INTS12: variants seen among roughly 807,000 people sequenced by gnomAD.
INTS12 encodes the protein PHD finger protein 22.
A neutral mutation model predicts 41.6 loss-of-function variants in INTS12; 13 were observed. The observed-to-expected ratio is 0.31, with a 90% CI of 0.20 to 0.50. INTS12 has a LOEUF of 0.50. Among genes scored for constraint, INTS12 ranks in the 20% least tolerant of loss-of-function variants. INTS12 has a pLI of 0.98. For synonymous variants in INTS12, 199 were observed against 191.4 expected, an observed-to-expected ratio of 1.04 and a Z score of -0.33; for missense variants, 432 against 541.6, an observed-to-expected ratio of 0.80 and a Z score of 2.01.
At chr4:105,689,353 C>A (rs1308179068) in intron 6 of INTS12, among the ~76,000 whole-genome samples, 6 of 152,132 alleles carry the variant, frequency 3.9e-5, no homozygotes, top group Admixed American at 3.9e-4. Flanking sequence ...ATAACCAATG[C>A]ACATATGAGA....
intron 2 of INTS12, among the ~76,000 whole-genome samples, chr4:105,700,637 T>A (rs372893258): frequency 6.6e-6 from 1 of 151,350 alleles, no homozygotes; most frequent in East Asian, 1.9e-4. Flanking sequence ...ACATTTAGAT[T>A]GTGGTATCTC....
At chr4:105,705,712 T>C (rs527276270) in intron 1 of INTS12, 23 of 152,346 alleles carry the variant, frequency 1.5e-4, no homozygotes, top group African/African-American at 5.1e-4. Flanking sequence ...GTAGAAAGTG[T>C]GCCACCCCCA....
intron 2 of INTS12, 83 bp from the exon 3 acceptor site, chr4:105,700,097 G>A (rs1732009769): frequency 1.1e-6 from 1 of 924,770 alleles, no homozygotes; most frequent in Non-Finnish European, 1.5e-6. Flanking sequence ...TTTTTAATTT[G>A]TAATAGATAA....
chr4:105,692,217 C>T lies in INTS12; in HGVS notation c.498-82G>A, dbSNP rs561110528. 75 of 1,348,138 alleles carry T rather than the reference C, an allele frequency of 5.6e-5. 1 individual carries two copies. The South Asian group carries it at 5.8e-4, about 10-fold the overall frequency. The allele number at this position is 1,348,138 out of a possible 1,614,324, so 83.5% of individuals were successfully genotyped here. A position where few individuals can be genotyped will look rare whatever the true frequency, so the allele number is the denominator to read the frequency against. Reference sequence around the variant, plus strand: ...TTATTTCAGGGGCCAGGTGTGCTGGCTCATGCCTGTAATCCCAGCACTTTG... The same window carrying T: ...TTATTTCAGGGGCCAGGTGTGCTGGTTCATGCCTGTAATCCCAGCACTTTG... On this transcript the variant is annotated intron_variant, in intron 5 of 7. Coordinates refer to ENST00000340139, the MANE Select transcript of INTS12 (RefSeq NM_020395.4).
rs1732396935 is a variant in INTS12 at position 105,708,656 on chromosome 4, C to T, written c.-190G>A. 3 of 960,168 alleles carry T rather than the reference C, an allele frequency of 3.1e-6. No homozygotes were observed. The highest frequency in any genetic ancestry group is 3.7e-6 in the Non-Finnish European group (3 of 806,990). 59.5% of individuals were successfully genotyped at this position (960,168 alleles called of 1,614,324 possible). On this transcript the variant is annotated 5_prime_UTR_variant, in exon 1 of 8. Transcript: ENST00000340139. ...AACTCACCGTTCCGCCCCGCCCTGC[C>T]GATCCGTCTGTTCCCGGTGGTCCCT...
At chr4:105,691,869 ATTAT>A in intron 6 of INTS12, 103 bp downstream of exon 6, 5 of 787,736 alleles carry the variant, frequency 6.3e-6, no homozygotes, top group Non-Finnish European at 9.5e-6. Context: ...ATCAGCTTAT[ATTAT>A]TTATTTTTTC....
intron 1 of INTS12, among the ~76,000 whole-genome samples, chr4:105,707,403 A>C (rs1484387818): frequency 6.6e-6 from 1 of 150,874 alleles, no homozygotes; most frequent in Admixed American, 6.6e-5. Flanking sequence ...CTTTTTGCCT[A>C]TCTCTTTGCC....
Position 105,682,986 on chromosome 4 carries a change from C to T in INTS12, c.1136G>A (p.Cys379Tyr). 1.2e-6 allele frequency: 2 copies of T among 1,614,112 alleles called. No homozygotes were observed. The highest frequency in any genetic ancestry group is 2.2e-5 in the East Asian group (1 of 44,884). The change falls in exon 8 of 8, where the codon TGT (cysteine) becomes TAT (tyrosine). Residue 379 changes from cysteine to tyrosine, a missense_variant. Physicochemically the swap from Cys to Tyr is radical, Grantham distance 194. Around this residue, in one of 3 missense-constraint regions of INTS12, gnomAD observed 258 missense variants for 309.9 expected, o/e 0.83. Transcript: ENST00000340139. ...AAGACCTACTTTGCTGACATTGTCA[C>T]AACTAACTGAGCGACTAAGGCCAGT... ...GKTGLSRSVS[C>Y]DNVSKVGLPS...
At chr4:105,706,704 T>C (rs1160666962) in intron 1 of INTS12, among the ~76,000 whole-genome samples, 1 of 152,092 alleles carries the variant, frequency 6.6e-6, no homozygotes, top group African/African-American at 2.4e-5. Flanking sequence ...AACTTTCTTT[T>C]AGTCAGGTTT....
chr4:105,689,701 G>A (rs755133435), intron 6 of INTS12, among the ~76,000 whole-genome samples: 4 of 151,886 alleles, frequency 2.6e-5, no homozygotes, highest in African/African-American at 4.8e-5. Context: ...TCAGGAGTTC[G>A]AGACCAGCCC....
At chr4:105,689,371 T>C (rs1268125057) in intron 6 of INTS12, among the ~76,000 whole-genome samples, 1 of 152,212 alleles carries the variant, frequency 6.6e-6, no homozygotes, top group African/African-American at 2.4e-5. Context: ...AGAATCTCAC[T>C]CAAAGCAATT....
At chr4:105,694,969 G>C (rs1731808514) in intron 4 of INTS12, among the ~76,000 whole-genome samples, 1 of 151,808 alleles carries the variant, frequency 6.6e-6, no homozygotes, top group African/African-American at 2.4e-5. Context: ...CTGTCACCCA[G>C]GCTGGAGTGC....
intron 2 of INTS12, among the ~76,000 whole-genome samples, chr4:105,703,419 C>T (rs1211655535): frequency 6.6e-6 from 1 of 152,176 alleles, no homozygotes; most frequent in Admixed American, 6.5e-5. Flanking sequence ...ATCGCCATTA[C>T]TGAACAATGA....
At position 105,699,915 on chromosome 4, in the gene INTS12, G is replaced by A. The variant is rs753919593; in HGVS notation, c.91C>T (p.Leu31=). 1.3e-5 allele frequency: 21 copies of A among 1,568,154 alleles called. No individual in the cohort carries two copies. Among genetic ancestry groups the A allele is most frequent in the Non-Finnish European group, 1.8e-5 (21 of 1,146,528 alleles). ...AAAGATTCATCAAGCAGTGCTTTTA[G>A]CTTTTCAGCAGAATCTTTACTCTTT... The part of the protein sequence containing the change: ...HSKSKDSAEK[L]KALLDESLAR... Residue 31 remains leucine (L), a synonymous_variant, in exon 3 of 8, where the codon CTA becomes TTA. Transcript: ENST00000340139.
chr4:105,692,154 A>G lies in INTS12; in HGVS notation c.498-19T>C. On this transcript the variant is annotated intron_variant, in intron 5 of 7. Coordinates refer to ENST00000340139, the MANE Select transcript of INTS12 (RefSeq NM_020395.4). ...CATTTGCCTAAGAAAACATACCATT[A>G]AACATTACACTACTTTTTTAAATGC... The G allele has an allele frequency of 6.2e-7, 1 of 1,604,342 alleles. No individual in the cohort carries two copies. Among genetic ancestry groups the G allele is most frequent in the South Asian group, 1.1e-5 (1 of 89,442 alleles).
At chr4:105,693,600 T>C (rs1266078764) in intron 4 of INTS12, 114 bp from the exon 5 acceptor site, 2 of 766,990 alleles carry the variant, frequency 2.6e-6, no homozygotes, top group East Asian at 2.5e-5. Flanking sequence ...TTTACAGATA[T>C]ATTCACATAG....
At chr4:105,699,595 T>G (rs1731986820) in intron 3 of INTS12, among the ~76,000 whole-genome samples, 1 of 152,130 alleles carries the variant, frequency 6.6e-6, no homozygotes, top group Non-Finnish European at 1.5e-5. Context: ...GAAATTAAAG[T>G]AAGTCGTAAA....
At chr4:105,708,417 C>T in intron 1 of INTS12, 2 of 985,524 alleles carry the variant, frequency 2.0e-6, no homozygotes. Flanking sequence ...TAGAAATATG[C>T]TCGGTCCGCA....
In INTS12 at chr4:105,682,785, T is replaced by G. The variant is rs376992002; in HGVS notation, c.1337A>C (p.Lys446Thr). Residue 446 changes from lysine (K) to threonine (T), a missense_variant, in exon 8 of 8, where the codon AAG becomes ACG. Around this residue, in one of 3 missense-constraint regions of INTS12, gnomAD observed 258 missense variants for 309.9 expected, o/e 0.83. Transcript: ENST00000340139. ...TSQESQLNAM[K>T]RLQMVKKKAA... ...TTTCTTCTTGACCATCTGTAATCGC[T>G]TCATAGCATTGAGCTGTGATTCTTG... 1 of 1,614,114 alleles carries G rather than the reference T, an allele frequency of 6.2e-7. No individual in the cohort carries two copies. The highest frequency in any genetic ancestry group is 8.5e-7 in the Non-Finnish European group (1 of 1,179,948).
Sources: allele counts gnomAD v4.1 joint callset (sites outside exome capture counted in the v4.1 genomes callset), GRCh38; gene constraint gnomAD v4.1.1; regional missense constraint gnomAD v4.1.1; transcripts MANE v1.5; gene names NCBI Gene and HGNC (gene_info 2026-07-23, HGNC 2026-07-21).